The following VARS2 variants were observed in gnomAD, a reference collection of about 807,000 sequenced individuals.
The protein encoded by VARS2 is valine--tRNA ligase, mitochondrial.
Under a neutral mutation model 154.1 loss-of-function variants are expected in VARS2, and 105 were observed. The observed-to-expected ratio is 0.68, with a 90% CI of 0.58 to 0.80. VARS2 has a LOEUF of 0.80. VARS2 is among the 30% of genes least tolerant of loss of function. The probability of loss-of-function intolerance (pLI) is 0.00; values close to 1 mark genes in which losing one functional copy is unlikely to be tolerated. For synonymous variants in VARS2, 483 were observed against 539.5 expected, an observed-to-expected ratio of 0.90 and a Z score of 1.45; for missense variants, 1,157 against 1,361.4, an observed-to-expected ratio of 0.85 and a Z score of 2.36.
Position 30,916,340 on chromosome 6 carries a change from C to A in VARS2, c.671+91C>A. On this transcript the variant is annotated intron_variant, in intron 7 of 29. Transcript: ENST00000676266. The surrounding 1 kb of genome is among the most constrained non-coding windows in gnomAD (Gnocchi z 4.0). ...ATCACTCCTGACTTGTAATCCTTGG[C>A]TCTTCCCGACACAGCTCTGACTTCC... is the stretch of plus-strand genomic sequence containing the variant. 1 of 1,102,804 alleles carries A rather than the reference C, an allele frequency of 9.1e-7. No homozygotes were observed. Among genetic ancestry groups the A allele is most frequent in the Non-Finnish European group, 1.3e-6 (1 of 778,374 alleles). The allele number at this position is 1,102,804 out of a possible 1,614,324, so 68.3% of individuals were successfully genotyped here. A position where few individuals can be genotyped will look rare whatever the true frequency, so the allele number is the denominator to read the frequency against.
chr6:30,914,376 T>G, intron 1 of VARS2, 32 bp downstream of exon 1: 1 of 1,249,934 alleles, frequency 8.0e-7, no homozygotes, highest in Non-Finnish European at 1.0e-6. Context: ...CTCCGGGAAG[T>G]GGGAGACGCT....
chr6:30,916,433 T>A lies in VARS2; in HGVS notation c.671+184T>A, dbSNP rs937789462. 1.3e-5 allele frequency: 7 copies of A among 543,438 alleles called. No homozygotes were observed. The highest frequency in any genetic ancestry group is 1.9e-5 in the Non-Finnish European group (6 of 308,920). 33.7% of individuals were successfully genotyped at this position (543,438 alleles called of 1,614,324 possible). On this transcript the variant is annotated intron_variant, in intron 7 of 29. Coordinates refer to ENST00000676266, the MANE Select transcript of VARS2 (RefSeq NM_020442.6). The surrounding 1 kb of genome is among the most constrained non-coding windows in gnomAD (Gnocchi z 4.0). ...TTCTAAGCCTTATGTGTGTGGATAT[T>A]ATATATGCATTAGAATATTCGTGTG...
In VARS2 at chr6:30,918,772, G is replaced by T. The variant is rs1323217922; in HGVS notation, c.986-55G>T. ...AGTTCTACTGCCTTTAGCTATGTTG[G>T]CAGTGAGAGGTGAGGATGATGACCA... On this transcript the variant is annotated intron_variant, in intron 10 of 29. Transcript: ENST00000676266. 28 of 1,203,640 alleles carry T rather than the reference G, an allele frequency of 2.3e-5. No individual in the cohort carries two copies. The African/African-American group carries it at 4.3e-4, about 18-fold the overall frequency. The allele number at this position is 1,203,640 out of a possible 1,614,324, so 74.6% of individuals were successfully genotyped here.
At chr6:30,926,064 AGG>A (rs1431351118) in intron 29 of VARS2, 43 bp from the exon 30 acceptor site, 32 of 1,612,850 alleles carry the variant, frequency 2.0e-5, no homozygotes, top group Non-Finnish European at 2.4e-5. Context: ...GTGGGCCAGG[AGG>A]GGCCTCATTC....
chr6:30,916,048 G>C lies in VARS2; in HGVS notation c.573+1G>C. ...AGATCATGCAGGAATTGCTACACAA[G>C]TATGTCTTTTGTTACCTGTTCCTTT... On this transcript the variant is annotated splice_donor_variant, in intron 6 of 29. Coordinates refer to ENST00000676266, the MANE Select transcript of VARS2 (RefSeq NM_020442.6). LOFTEE classifies it high-confidence loss of function. The surrounding 1 kb of genome is among the most constrained non-coding windows in gnomAD (Gnocchi z 4.0). The C allele has an allele frequency of 6.2e-7, 1 of 1,613,954 alleles. No homozygotes were observed. The highest frequency in any genetic ancestry group is 2.2e-5 in the East Asian group (1 of 44,892).
chr6:30,926,396 C>T lies in VARS2; in HGVS notation c.*186C>T, dbSNP rs544704568. ...TCCTTGAGATGCTCACATTACTGCC[C>T]GGCCTGCCTCCCACCTGGAAGTCTG... On this transcript the variant is annotated 3_prime_UTR_variant, in exon 30 of 30. Transcript: ENST00000676266. The T allele has an allele frequency of 3.3e-5, 21 of 627,288 alleles. No individual in the cohort carries two copies. The highest frequency in any genetic ancestry group is 3.3e-4 in the African/African-American group (18 of 54,496). 38.9% of individuals were successfully genotyped at this position (627,288 alleles called of 1,614,324 possible).
At chr6:30,922,808 A>G in intron 22 of VARS2, 34 bp downstream of exon 22, 1 of 1,592,942 alleles carries the variant, frequency 6.3e-7, no homozygotes, top group Non-Finnish European at 8.6e-7. Context: ...CACCAGCTCT[A>G]GCTCACCACC....
chr6:30,914,745 G>A, intron 1 of VARS2, 65 bp from the exon 2 acceptor site: 1 of 1,446,250 alleles, frequency 6.9e-7, no homozygotes, highest in East Asian at 2.3e-5. Flanking sequence ...CAGGAAAGAT[G>A]GAACAAGGGG....
In VARS2 at chr6:30,919,769, G is replaced by A; in HGVS notation, c.1086G>A (p.Gly362=). 2 of 1,584,002 alleles carry A rather than the reference G, an allele frequency of 1.3e-6. No homozygotes were observed. The highest frequency in any genetic ancestry group is 1.7e-6 in the Non-Finnish European group (2 of 1,161,386). Residue 362 remains glycine, a synonymous_variant, in exon 12 of 30, where the codon GGG becomes GGA. Coordinates refer to ENST00000676266, the MANE Select transcript of VARS2 (RefSeq NM_020442.6). This position sits in a 1 kb window ranked among gnomAD's most constrained non-coding sequence, Gnocchi z 4.5. ...PDDSRYTHLH[G]RQLRHPLMGQ... Reference sequence around the variant, plus strand: ...TCCCTTCCCTTCAGCATCTACACGGGCGACAGCTTCGTCACCCCTTGATGG... The same window carrying A: ...TCCCTTCCCTTCAGCATCTACACGGACGACAGCTTCGTCACCCCTTGATGG...
At chr6:30,924,129 C>T (rs749780889) in intron 25 of VARS2, 29 of 584,780 alleles carry the variant, frequency 5.0e-5, no homozygotes, top group Non-Finnish European at 7.9e-5. Flanking sequence ...CTACATGTTT[C>T]CCTGGAAATC....
At position 30,919,956 on chromosome 6, in the gene VARS2, C is replaced by A; in HGVS notation, c.1165+108C>A. The A allele has an allele frequency of 6.8e-7, 1 of 1,467,894 alleles. No individual in the cohort carries two copies. The highest frequency in any genetic ancestry group is 1.4e-5 in the South Asian group (1 of 70,896). 90.9% of individuals were successfully genotyped at this position (1,467,894 alleles called of 1,614,324 possible). A position where few individuals can be genotyped will look rare whatever the true frequency, so the allele number is the denominator to read the frequency against. On this transcript the variant is annotated intron_variant, in intron 12 of 29. Transcript: ENST00000676266. This position sits in a 1 kb window ranked among gnomAD's most constrained non-coding sequence, Gnocchi z 4.5. ...GTGGGAGATCCTCATATAGGGTGGT[C>A]TGAGTGGGGAATGGGAGGGAGGCAC...
chr6:30,925,360 C>T lies in VARS2; in HGVS notation c.2760C>T (p.Tyr920=). 1 of 1,611,654 alleles carries T rather than the reference C, an allele frequency of 6.2e-7. No individual in the cohort carries two copies. Among genetic ancestry groups the T allele is most frequent in the Non-Finnish European group, 8.5e-7 (1 of 1,179,228 alleles). Residue 920 remains tyrosine (Y), a synonymous_variant, in exon 27 of 30, where the codon TAC becomes TAT. Coordinates refer to ENST00000676266, the MANE Select transcript of VARS2 (RefSeq NM_020442.6). ...VQVLRALRAT[Y]QLTKARPRVL... is the part of the protein sequence containing the mutation. ...TGCTAAGGGCTCTCCGAGCCACGTACCAGCTCACCAAAGCCCGGCCCCGAG... is the reference window on the plus strand; with the variant it reads ...TGCTAAGGGCTCTCCGAGCCACGTATCAGCTCACCAAAGCCCGGCCCCGAG...
At chr6:30,922,072 G>C (rs769401913) in intron 19 of VARS2, 44 bp from the exon 20 acceptor site, 1 of 1,612,754 alleles carries the variant, frequency 6.2e-7, no homozygotes, top group Non-Finnish European at 8.5e-7. Context: ...GAGGCTTGAG[G>C]GGGGCCTGGG....
In VARS2 at chr6:30,917,434, G is replaced by A. The variant is rs921169488; in HGVS notation, c.873+210G>A. On this transcript the variant is annotated intron_variant, in intron 9 of 29. Transcript: ENST00000676266. This position sits in a 1 kb window ranked among gnomAD's most constrained non-coding sequence, Gnocchi z 4.4. ...GATGATGGAATGCTTGCATCGTGGG[G>A]GTGTTGTAAAAATTAAATGAGAATT... 1.3e-5 allele frequency among the ~76,000 whole-genome samples: 2 copies of A among 152,192 alleles called. No individual in the cohort carries two copies. Among genetic ancestry groups the A allele is most frequent in the African/African-American group, 4.8e-5 (2 of 41,436 alleles).
At chr6:30,915,113 T>G in intron 2 of VARS2, 43 bp from the exon 3 acceptor site, 1 of 1,611,902 alleles carries the variant, frequency 6.2e-7, no homozygotes, top group Non-Finnish European at 8.5e-7. Context: ...AAATGCAGTC[T>G]GGGGTATACT....
Position 30,919,006 on chromosome 6 carries a change from T to C in VARS2, c.1074+91T>C. 3.3e-6 allele frequency: 4 copies of C among 1,195,832 alleles called. No individual in the cohort carries two copies. In the Admixed American group the frequency reaches 5.5e-5, roughly 16 times the overall value. 74.1% of individuals were successfully genotyped at this position (1,195,832 alleles called of 1,614,324 possible). On this transcript the variant is annotated intron_variant, in intron 11 of 29. Transcript: ENST00000676266. This position sits in a 1 kb window ranked among gnomAD's most constrained non-coding sequence, Gnocchi z 4.5. ...TAAATGGTGGCTCTTTCTCTCTTGC[T>C]TCTACTTCCTTTTCCTGAGACTTCT... is the stretch of plus-strand genomic sequence containing the variant.
In VARS2 at chr6:30,916,843, G is replaced by A. The variant is rs754971415; in HGVS notation, c.672-35G>A. On this transcript the variant is annotated intron_variant, in intron 7 of 29. Transcript: ENST00000676266. The surrounding 1 kb of genome is among the most constrained non-coding windows in gnomAD (Gnocchi z 4.0). Reference sequence around the variant, plus strand: ...GGCCTGGTACATAGGAAGTGCTTGGGAAGTGTTTGCTGACAAGGATCTCTC... The same window carrying A: ...GGCCTGGTACATAGGAAGTGCTTGGAAAGTGTTTGCTGACAAGGATCTCTC... 42 of 1,612,100 alleles carry A rather than the reference G, an allele frequency of 2.6e-5. No individual in the cohort carries two copies. The South Asian group carries it at 4.6e-4, about 18-fold the overall frequency.
At position 30,919,615 on chromosome 6, in the gene VARS2, T is replaced by C. The variant is rs1794380410; in HGVS notation, c.1075-143T>C. 3.6e-6 allele frequency: 2 copies of C among 559,718 alleles called. No homozygotes were observed. Among genetic ancestry groups the C allele is most frequent in the Non-Finnish European group, 6.1e-6 (2 of 326,138 alleles). The allele number at this position is 559,718 out of a possible 1,614,324, so 34.7% of individuals were successfully genotyped here. On this transcript the variant is annotated intron_variant, in intron 11 of 29. Coordinates refer to ENST00000676266, the MANE Select transcript of VARS2 (RefSeq NM_020442.6). This position sits in a 1 kb window ranked among gnomAD's most constrained non-coding sequence, Gnocchi z 4.5. Reference sequence around the variant, plus strand: ...CCAAAAGCCTAAAATATCTACATTCTGGCCCCTTAAGAGTTTGCTGACCTT... The same window carrying C: ...CCAAAAGCCTAAAATATCTACATTCCGGCCCCTTAAGAGTTTGCTGACCTT...
chr6:30,922,508 G>A lies in VARS2; in HGVS notation c.1991G>A (p.Gly664Glu). The change falls in exon 21 of 30, where the codon GGG becomes GAG. Residue 664 changes from glycine to glutamate, a missense_variant. Transcript: ENST00000676266. ...RQGRKMSKSL[G>E]NVLDPRDIIS... Reference sequence around the variant, plus strand: ...GGCCGGAAGATGAGCAAGTCCCTGGGGAATGTGCTGGACCCAAGAGACATC... The same window carrying A: ...GGCCGGAAGATGAGCAAGTCCCTGGAGAATGTGCTGGACCCAAGAGACATC... The A allele has an allele frequency of 6.3e-7, 1 of 1,592,254 alleles. No homozygotes were observed. Among genetic ancestry groups the A allele is most frequent in the Non-Finnish European group, 8.5e-7 (1 of 1,169,978 alleles).
Sources: gnomAD v4.1 joint callset for allele counts (sites outside exome capture counted in the v4.1 genomes callset) on GRCh38, gnomAD v4.1.1 for gene constraint, Gnocchi (gnomAD v3.1) non-coding constraint, MANE v1.5 for transcripts, NCBI Gene and HGNC (gene_info 2026-07-23, HGNC 2026-07-21) for gene names.